The following ANKS1B variants were observed in gnomAD, a reference collection of about 807,000 sequenced individuals.
ANKS1B encodes the protein ankyrin repeat and sterile alpha motif domain-containing protein 1B.
ANKS1B carries 36 observed loss-of-function variants against 148.3 expected under a neutral mutation model. The ratio of observed to expected loss-of-function variants is 0.24; its 90% CI spans 0.19 to 0.32. The LOEUF (loss-of-function observed/expected upper bound fraction) is 0.32. ANKS1B is among the 10% of genes least tolerant of loss of function. The pLI, the probability that ANKS1B is intolerant of heterozygous loss-of-function variation, is 1.00. For synonymous variants in ANKS1B, 542 were observed against 560.8 expected, an observed-to-expected ratio of 0.97 and a Z score of 0.47; for missense variants, 1,157 against 1,542.6, an observed-to-expected ratio of 0.75 and a Z score of 4.19.
chr12:99,551,987 T>C (rs2097223439), intron 9 of ANKS1B, among the ~76,000 whole-genome samples: 1 of 152,108 alleles, frequency 6.6e-6, no homozygotes, highest in South Asian at 2.1e-4. Context: ...ATCATATATG[T>C]ACAGTTCCTA....
chr12:99,948,035 C>T (rs1205292189), intron 1 of ANKS1B, among the ~76,000 whole-genome samples: 2 of 152,262 alleles, frequency 1.3e-5, no homozygotes, highest in East Asian at 1.9e-4. Flanking sequence ...AGATAACCTC[C>T]CTACCTTAAG....
At chr12:99,549,768 G>T (rs2097201526) in intron 9 of ANKS1B, among the ~76,000 whole-genome samples, 1 of 152,190 alleles carries the variant, frequency 6.6e-6, no homozygotes, top group African/African-American at 2.4e-5. Context: ...GATCCTGTTA[G>T]CCCAACATTT....
rs189015448 is a variant in ANKS1B at position 99,225,197 on chromosome 12, A to G, written c.2419+19145T>C. On this transcript the variant is annotated intron_variant, in intron 14 of 26. Coordinates refer to ENST00000683438, the MANE Select transcript of ANKS1B (RefSeq NM_001352186.2). Reference sequence around the variant, plus strand: ...ATTGTTCCAAATCTATTACAGCTATATAGTTTTTATAAAATGACCCATGGG... The same window carrying G: ...ATTGTTCCAAATCTATTACAGCTATGTAGTTTTTATAAAATGACCCATGGG... Among the ~76,000 whole-genome samples, 33 of 152,242 alleles carry G rather than the reference A, an allele frequency of 2.2e-4. No homozygotes were observed. The East Asian group carries it at 5.8e-3, about 27-fold the overall frequency.
chr12:99,378,817 A>C (rs552975537), intron 12 of ANKS1B, among the ~76,000 whole-genome samples: 1 of 152,318 alleles, frequency 6.6e-6, no homozygotes, highest in East Asian at 1.9e-4. Flanking sequence ...TACTCAAAGA[A>C]AGTAAGACTC....
At chr12:99,541,702 A>G (rs1460746134) in intron 9 of ANKS1B, among the ~76,000 whole-genome samples, 1 of 152,054 alleles carries the variant, frequency 6.6e-6, no homozygotes, top group African/African-American at 2.4e-5. Context: ...TAAAAATACA[A>G]AAATTATCTG....
At chr12:99,280,864 CTG>C (rs1454396393) in intron 12 of ANKS1B, among the ~76,000 whole-genome samples, 18 of 146,220 alleles carry the variant, frequency 1.2e-4, no homozygotes, top group South Asian at 2.1e-4. Context: ...CTCTCTCTCT[CTG>C]TCTGTCTCTC....
chr12:99,233,275 G>A (rs2087207569), intron 14 of ANKS1B, among the ~76,000 whole-genome samples: 2 of 152,016 alleles, frequency 1.3e-5, no homozygotes, highest in Non-Finnish European at 2.9e-5. Context: ...GTAGTACAGT[G>A]TATAATTTAA....
intron 17 of ANKS1B, among the ~76,000 whole-genome samples, chr12:98,872,299 G>A (rs2099672853): frequency 6.6e-6 from 1 of 152,200 alleles, no homozygotes; most frequent in Non-Finnish European, 1.5e-5. Context: ...AGCACTTTGG[G>A]AGGCCGAGGA....
chr12:99,472,735 G>A (rs911857025), intron 10 of ANKS1B, among the ~76,000 whole-genome samples: 35 of 152,116 alleles, frequency 2.3e-4, no homozygotes, highest in African/African-American at 7.9e-4. Context: ...TAACAATGCT[G>A]TCATCACCAA....
intron 26 of ANKS1B, among the ~76,000 whole-genome samples, chr12:98,749,405 C>T (rs569750903): frequency 6.6e-6 from 1 of 152,230 alleles, no homozygotes; most frequent in South Asian, 2.1e-4. Context: ...CCGTGCCCGG[C>T]CCAAAACTTA....
chr12:99,344,886 T>A (rs2090449574), intron 12 of ANKS1B: 1 of 152,072 alleles, frequency 6.6e-6, no homozygotes, highest in Non-Finnish European at 1.5e-5. Flanking sequence ...CATATCCTTA[T>A]AATTACCTCT....
At chr12:99,581,844 T>C (rs1230159028) in intron 9 of ANKS1B, among the ~76,000 whole-genome samples, 1 of 150,112 alleles carries the variant, frequency 6.7e-6, no homozygotes, top group Non-Finnish European at 1.5e-5. Flanking sequence ...TGAGCCGAGA[T>C]TGCGCCACTG....
chr12:99,501,105 C>T (rs956888620), intron 10 of ANKS1B, among the ~76,000 whole-genome samples: 10 of 151,326 alleles, frequency 6.6e-5, no homozygotes, highest in Non-Finnish European at 1.3e-4. Flanking sequence ...TTTTTCCTCT[C>T]CAATATGCTA....
chr12:99,835,241 A>G (rs2084647355), intron 1 of ANKS1B, among the ~76,000 whole-genome samples: 1 of 125,422 alleles, frequency 8.0e-6, no homozygotes, highest in African/African-American at 3.1e-5. Flanking sequence ...GTGAAACCCC[A>G]TCTCTACAAA....
At chr12:99,784,024 AT>A (rs2064687157) in intron 4 of ANKS1B, among the ~76,000 whole-genome samples, 1 of 152,132 alleles carries the variant, frequency 6.6e-6, no homozygotes, top group Admixed American at 6.6e-5. Flanking sequence ...AAAAATAAAA[AT>A]AAATTTAAAA....
intron 1 of ANKS1B, among the ~76,000 whole-genome samples, chr12:99,982,211 A>C (rs1159558595): frequency 2.0e-5 from 3 of 151,998 alleles, no homozygotes; most frequent in Non-Finnish European, 4.4e-5. Context: ...TACTACTACT[A>C]CACCAGCAAA....
At chr12:99,727,513 T>G (rs1190143109) in intron 8 of ANKS1B, among the ~76,000 whole-genome samples, 1 of 152,122 alleles carries the variant, frequency 6.6e-6, no homozygotes, top group African/African-American at 2.4e-5. Context: ...TGGAAAAACA[T>G]TCCATCCTCA....
chr12:99,015,183 A>G (rs56339660), intron 17 of ANKS1B, among the ~76,000 whole-genome samples: 20,092 of 152,284 alleles, frequency 0.13, 1,580 homozygotes, highest in Middle Eastern at 0.18. Flanking sequence ...ACCATGGAAT[A>G]TTATGCAGCC....
intron 1 of ANKS1B, among the ~76,000 whole-genome samples, chr12:99,933,356 T>C (rs1420088152): frequency 6.6e-6 from 1 of 152,188 alleles, no homozygotes; most frequent in Non-Finnish European, 1.5e-5. Context: ...TTGGGTAGTA[T>C]GGACATTTTG....
Sources: allele counts gnomAD v4.1 joint callset (sites outside exome capture counted in the v4.1 genomes callset), GRCh38; gene constraint gnomAD v4.1.1; transcripts MANE v1.5; gene names NCBI Gene and HGNC (gene_info 2026-07-23, HGNC 2026-07-21).